Variants in DEAF1 observed in about 807,000 individuals in gnomAD.
DEAF1 encodes the protein deformed epidermal autoregulatory factor 1 homolog.
In DEAF1, 53 loss-of-function variants were observed where a neutral mutation model predicts 58.9. The ratio of observed to expected loss-of-function variants is 0.90; its 90% CI spans 0.72 to 1.13. The LOEUF is 1.13. Ranked by LOEUF, DEAF1 falls within the 50% of genes most tolerant of loss-of-function variation. The pLI, the probability that DEAF1 is intolerant of heterozygous loss-of-function variation, is 0.00. For missense variants in DEAF1, 685 were observed against 791.4 expected (o/e 0.87, Z 1.61); for synonymous variants, 385 against 340.4 (o/e 1.13, Z -1.44).
upstream of DEAF1, chr11:700,043 TG>T: frequency 1.1e-6 from 1 of 917,348 alleles, no homozygotes; most frequent in Non-Finnish European, 1.7e-6. Context: ...TTGGTGTCTG[TG>T]GCCACCAAAC....
chr11:679,489 C>A (rs543654685), intron 8 of DEAF1, among the ~76,000 whole-genome samples, 199 bp downstream of exon 8: 166 of 152,284 alleles, frequency 1.1e-3, no homozygotes, highest in Non-Finnish European at 2.1e-3. Context: ...CACAAGTAAC[C>A]CACTGCCACA....
intron 11 of DEAF1, among the ~76,000 whole-genome samples, chr11:648,564 G>A (rs1318088713): frequency 6.6e-6 from 1 of 152,104 alleles, no homozygotes; most frequent in Non-Finnish European, 1.5e-5. Flanking sequence ...TGGAGGTCCG[G>A]CTGGAAGGCA....
In DEAF1 at chr11:687,779, A is replaced by G. The variant is rs908698918; in HGVS notation, c.664+132T>C. On this transcript the variant is annotated intron_variant, in intron 4 of 11. Transcript: ENST00000382409. ...CCAAAGTGCTGGTATTACAGGCATC[A>G]GCCACCGCGCCCAGCCCTGTCTTCT... 3.4e-5 allele frequency: 42 copies of G among 1,234,240 alleles called. No individual in the cohort carries two copies. In the Middle Eastern group the frequency reaches 1.2e-3, roughly 35 times the overall value. 76.5% of individuals were successfully genotyped at this position (1,234,240 alleles called of 1,614,324 possible).
chr11:657,312 G>A (rs1237354693), intron 10 of DEAF1, among the ~76,000 whole-genome samples: 4 of 152,208 alleles, frequency 2.6e-5, no homozygotes, highest in Non-Finnish European at 5.9e-5. Flanking sequence ...GTGCCAGGAA[G>A]TCAGGACGTA....
In DEAF1 at chr11:662,364, T is replaced by C. The variant is rs1023897333; in HGVS notation, c.1504-8313A>G. ...AGTGTGGCCCAGGGAAGAGAAAAGA[T>C]TGGACACCCCGGCATAAAGCCTTCC... On this transcript the variant is annotated intron_variant, in intron 10 of 11. Transcript: ENST00000382409. 4.6e-5 allele frequency among the ~76,000 whole-genome samples: 7 copies of C among 152,308 alleles called. No individual in the cohort carries two copies. In the South Asian group the frequency reaches 1.0e-3, roughly 23 times the overall value.
At chr11:702,797 G>A (rs913073455) in intron 1 of DEAF1, 10 of 733,982 alleles carry the variant, frequency 1.4e-5, no homozygotes, top group Non-Finnish European at 2.2e-5. Flanking sequence ...GGGTGGCCAT[G>A]GAGGCTGTTT....
intron 11 of DEAF1, among the ~76,000 whole-genome samples, chr11:652,425 G>A (rs1012471517): frequency 1.1e-4 from 16 of 152,250 alleles, no homozygotes; most frequent in Non-Finnish European, 1.9e-4. Context: ...ATCACTTGAG[G>A]CCAGAAGTTT....
chr11:684,892 A>C lies in DEAF1; in HGVS notation c.870+6T>G. The C allele has an allele frequency of 6.4e-7, 1 of 1,551,450 alleles. No individual in the cohort carries two copies. Among genetic ancestry groups the C allele is most frequent in the East Asian group, 2.4e-5 (1 of 40,912 alleles). On this transcript the variant is annotated splice_donor_region_variant and intron_variant, in intron 6 of 11. Coordinates refer to ENST00000382409, the MANE Select transcript of DEAF1 (RefSeq NM_021008.4). Reference sequence around the variant, plus strand: ...TCATCCTGTTCCAGACACGCTGGCCACTTACTAAGGTCATGTCGTCGCAGC... The same window carrying C: ...TCATCCTGTTCCAGACACGCTGGCCCCTTACTAAGGTCATGTCGTCGCAGC...
At chr11:657,384 G>A (rs1245473235) in intron 10 of DEAF1, among the ~76,000 whole-genome samples, 1 of 152,166 alleles carries the variant, frequency 6.6e-6, no homozygotes, top group African/African-American at 2.4e-5. Flanking sequence ...GACGGCAGGA[G>A]CTCCCTAGGG....
intron 9 of DEAF1, among the ~76,000 whole-genome samples, chr11:677,228 G>A (rs1480247263): frequency 2.0e-5 from 3 of 151,810 alleles, no homozygotes; most frequent in Non-Finnish European, 4.4e-5. Flanking sequence ...GATTAAACAG[G>A]TAAGCCACAC....
At chr11:649,310 T>A (rs181292551) in intron 11 of DEAF1, among the ~76,000 whole-genome samples, 5 of 151,900 alleles carry the variant, frequency 3.3e-5, no homozygotes, top group Admixed American at 1.3e-4. Context: ...TAATCCCAGT[T>A]ACTTGGGAGG....
chr11:675,521 CCT>C (rs1334329348), intron 9 of DEAF1, among the ~76,000 whole-genome samples: 9 of 151,840 alleles, frequency 5.9e-5, no homozygotes, highest in African/African-American at 2.2e-4. Context: ...TTAATGAGAC[CCT>C]GTCTCAAAAA....
chr11:685,555 C>T (rs965760939), intron 5 of DEAF1, among the ~76,000 whole-genome samples: 1 of 151,984 alleles, frequency 6.6e-6, no homozygotes, highest in African/African-American at 2.4e-5. Context: ...ATTAGCTGGG[C>T]ATGGTGGCGC....
upstream of DEAF1, chr11:699,256 C>T (rs988845001): frequency 6.7e-6 from 2 of 296,518 alleles, no homozygotes; most frequent in Non-Finnish European, 1.3e-5. Context: ...ACAGAGCCTT[C>T]CTCTCACCCA....
intron 10 of DEAF1, among the ~76,000 whole-genome samples, chr11:670,159 G>A (rs1178771661): frequency 6.6e-6 from 1 of 151,930 alleles, no homozygotes; most frequent in East Asian, 1.9e-4. Flanking sequence ...TGCTTCTGCA[G>A]GGATTGAAAT....
At chr11:705,927 C>T (rs1861692558) in intron 1 of DEAF1, among the ~76,000 whole-genome samples, 1 of 152,186 alleles carries the variant, frequency 6.6e-6, no homozygotes, top group Non-Finnish European at 1.5e-5. Flanking sequence ...CCCTGCGCCC[C>T]GCCTGTCCCC....
chr11:657,176 T>TC (rs1341918058), intron 10 of DEAF1, among the ~76,000 whole-genome samples: 3 of 151,900 alleles, frequency 2.0e-5, no homozygotes, highest in African/African-American at 4.8e-5. Flanking sequence ...GACCTGGGGC[T>TC]CCCTGCCTGG....
upstream of DEAF1, chr11:695,525 G>C (rs1294642935): frequency 9.4e-7 from 1 of 1,063,252 alleles, no homozygotes; most frequent in Non-Finnish European, 1.2e-6. Context: ...GCTTAGTGCC[G>C]CGGGTTTCGC....
rs763893190 is a variant in DEAF1, at chr11:688,160, G to A, written c.518-103C>T. 4.4e-5 allele frequency: 69 copies of A among 1,560,066 alleles called. No individual in the cohort carries two copies. The highest frequency in any genetic ancestry group is 5.4e-5 in the Non-Finnish European group (62 of 1,143,748). On this transcript the variant is annotated intron_variant, in intron 3 of 11. Transcript: ENST00000382409. This position sits in a 1 kb window ranked among gnomAD's most constrained non-coding sequence, Gnocchi z 4.3. ...CCCCGGCAGCGCCACCTCCTTCAACGGCGGAAAAACTTCTTGGTCAGGAAA... is the reference window on the plus strand; with the variant it reads ...CCCCGGCAGCGCCACCTCCTTCAACAGCGGAAAAACTTCTTGGTCAGGAAA...
Sources: allele counts gnomAD v4.1 joint callset (sites outside exome capture counted in the v4.1 genomes callset), GRCh38; gene constraint gnomAD v4.1.1; non-coding constraint Gnocchi (gnomAD v3.1); transcripts MANE v1.5; gene names NCBI Gene and HGNC (gene_info 2026-07-23, HGNC 2026-07-21).